PLEKHM3: variants seen among roughly 807,000 people sequenced by gnomAD.
PLEKHM3 encodes pleckstrin homology domain containing M3, also known as pleckstrin homology domain-containing family M member 3.
Under a neutral mutation model 81.8 loss-of-function variants are expected in PLEKHM3, and 45 were observed. The ratio of observed to expected loss-of-function variants is 0.55; its 90% CI spans 0.43 to 0.71. The LOEUF (loss-of-function observed/expected upper bound fraction) is 0.71. Ranked by LOEUF, PLEKHM3 falls within the 30% of genes least tolerant of loss-of-function variation. The probability of loss-of-function intolerance (pLI) is 0.00; values close to 1 mark genes in which losing one functional copy is unlikely to be tolerated. For synonymous variants in PLEKHM3, 352 were observed against 356.4 expected, an observed-to-expected ratio of 0.99 and a Z score of 0.14; for missense variants, 788 against 924.3, an observed-to-expected ratio of 0.85 and a Z score of 1.91.
chr2:207,861,202 C>T lies in PLEKHM3; in HGVS notation c.2011G>A (p.Val671Met), dbSNP rs768607642. 27 of 1,614,012 alleles carry T rather than the reference C, an allele frequency of 1.7e-5. No individual in the cohort carries two copies. The highest frequency in any genetic ancestry group is 5.3e-5 in the African/African-American group (4 of 74,920). The change falls in exon 7 of 8, where the codon GTG becomes ATG. Residue 671 changes from valine to methionine, a missense_variant. Coordinates refer to ENST00000427836, the MANE Select transcript of PLEKHM3 (RefSeq NM_001080475.3). Reference sequence around the variant, plus strand: ...TGGCTACAAAGACTGCAGCTGTACACGTGTGAGGTGGCAAATTTAATGACC... The same window carrying T: ...TGGCTACAAAGACTGCAGCTGTACATGTGTGAGGTGGCAAATTTAATGACC... ...GKVIKFATSH[V>M]YSCSLCSQKG...
chr2:207,924,622 T>G (rs1204498547), intron 5 of PLEKHM3, among the ~76,000 whole-genome samples: 1 of 151,784 alleles, frequency 6.6e-6, no homozygotes, highest in East Asian at 1.9e-4. Context: ...GAGGTGGAGG[T>G]TGCAGTGAGC....
chr2:207,873,932 A>T lies in PLEKHM3; in HGVS notation c.1951-12670T>A, dbSNP rs991560318. 8.5e-5 allele frequency among the ~76,000 whole-genome samples: 13 copies of T among 152,320 alleles called. No homozygotes were observed. In the East Asian group the frequency reaches 2.5e-3, roughly 29 times the overall value. On this transcript the variant is annotated intron_variant, in intron 6 of 7. Transcript: ENST00000427836. The stretch of plus-strand genomic sequence containing the variant: ...ATTGCTGGCTCACTGATGAGGAAAA[A>T]CAAGCCCTGCATGTACATTGAAATA...
chr2:207,909,580 C>T (rs1322766622), intron 5 of PLEKHM3, among the ~76,000 whole-genome samples: 1 of 152,156 alleles, frequency 6.6e-6, no homozygotes, highest in Non-Finnish European at 1.5e-5. Flanking sequence ...AAATACAATA[C>T]AATGTGGTAA....
rs774113611 is a variant in PLEKHM3, at chr2:208,001,470, T to C, written c.170A>G (p.Asn57Ser). The change falls in exon 2 of 8, where the codon AAT becomes AGT. Residue 57 changes from asparagine to serine, a missense_variant. Transcript: ENST00000427836. ...GHEVLSNITD[N>S]GAMRNVTSLG... ...GGAGGTGACATTTCTCATAGCACCA[T>C]TGTCTGTTATGTTACTGAGTACCTC... 22 of 1,614,060 alleles carry C rather than the reference T, an allele frequency of 1.4e-5. No individual in the cohort carries two copies. The highest frequency in any genetic ancestry group is 5.3e-5 in the African/African-American group (4 of 74,904).
chr2:207,955,840 C>T (rs1690488300), intron 3 of PLEKHM3, among the ~76,000 whole-genome samples: 1 of 152,166 alleles, frequency 6.6e-6, no homozygotes, highest in Non-Finnish European at 1.5e-5. Flanking sequence ...TAGCCTGGGA[C>T]ATCACAGGCA....
intron 6 of PLEKHM3, among the ~76,000 whole-genome samples, chr2:207,881,774 C>T (rs932608637): frequency 2.8e-4 from 43 of 152,142 alleles, no homozygotes; most frequent in African/African-American, 1.0e-3. Flanking sequence ...TTCAATTTCC[C>T]TTCCCTTTCT....
rs2092216922 is a variant in PLEKHM3, at chr2:207,821,517, T to C, written c.*6802A>G. On this transcript the variant is annotated 3_prime_UTR_variant, in exon 8 of 8. Coordinates refer to ENST00000427836, the MANE Select transcript of PLEKHM3 (RefSeq NM_001080475.3). ...ATCCAAAAAACAGAAAGAACACATA[T>C]ATAAGTTAGCACATTAGCTACTACA... 1 of 152,268 alleles carries C rather than the reference T, an allele frequency of 6.6e-6. No individual in the cohort carries two copies. The highest frequency in any genetic ancestry group is 1.9e-4 in the East Asian group (1 of 5,182). The allele number at this position is 152,268 out of a possible 1,614,324, so 9.4% of individuals were successfully genotyped here.
At chr2:208,021,927 T>C (rs1011047512) in intron 1 of PLEKHM3, among the ~76,000 whole-genome samples, 2 of 152,242 alleles carry the variant, frequency 1.3e-5, no homozygotes, top group Non-Finnish European at 2.9e-5. Flanking sequence ...GATGACACCA[T>C]AATTTGTTCC....
chr2:208,004,260 C>G lies in PLEKHM3; in HGVS notation c.-318-2303G>C, dbSNP rs1021917697. Among the ~76,000 whole-genome samples, 19 of 151,914 alleles carry G rather than the reference C, an allele frequency of 1.3e-4. 1 individual carries two copies. The highest frequency in any genetic ancestry group is 2.4e-4 in the Non-Finnish European group (16 of 67,940). On this transcript the variant is annotated intron_variant, in intron 1 of 7. Coordinates refer to ENST00000427836, the MANE Select transcript of PLEKHM3 (RefSeq NM_001080475.3). ...TGAAACCTCATCTCTGCTAAAAATACAAAAATGAGCCAGTCATGATGGTGT... is the reference window on the plus strand; with the variant it reads ...TGAAACCTCATCTCTGCTAAAAATAGAAAAATGAGCCAGTCATGATGGTGT...
chr2:207,898,256 G>A (rs912197575), intron 6 of PLEKHM3, among the ~76,000 whole-genome samples: 7 of 152,084 alleles, frequency 4.6e-5, no homozygotes, highest in East Asian at 3.9e-4. Context: ...ACAGATTTCC[G>A]GCTTCTCTTG....
At chr2:207,861,335 G>T (rs1247145990) in intron 6 of PLEKHM3, 73 bp from the exon 7 acceptor site, 1 of 1,444,126 alleles carries the variant, frequency 6.9e-7, no homozygotes, top group Non-Finnish European at 9.3e-7. Context: ...GGAAAGGAAA[G>T]GAATTCCTTT....
intron 1 of PLEKHM3, among the ~76,000 whole-genome samples, chr2:208,017,247 G>A (rs2106124325): frequency 6.6e-6 from 1 of 152,244 alleles, no homozygotes; most frequent in East Asian, 1.9e-4. Flanking sequence ...TTTTTGGAGT[G>A]CAAATCAAAT....
chr2:207,974,138 T>C (rs1450084215), intron 3 of PLEKHM3, among the ~76,000 whole-genome samples: 2 of 152,200 alleles, frequency 1.3e-5, no homozygotes, highest in Non-Finnish European at 2.9e-5. Flanking sequence ...AAGCATCCTA[T>C]CATATGGAAC....
At chr2:207,850,430 C>T (rs1559206656) in intron 7 of PLEKHM3, among the ~76,000 whole-genome samples, 1 of 152,178 alleles carries the variant, frequency 6.6e-6, no homozygotes, top group Non-Finnish European at 1.5e-5. Context: ...GGATGACTTA[C>T]ATGTCACATG....
intron 7 of PLEKHM3, among the ~76,000 whole-genome samples, chr2:207,848,269 C>CATGAA (rs373812186): frequency 4.6e-5 from 7 of 152,328 alleles, no homozygotes; most frequent in African/African-American, 1.7e-4. Flanking sequence ...AAACACTTAA[C>CATGAA]ATGAAAGTCT....
At chr2:208,016,666 A>ATACACACAC (rs1468410522) in intron 1 of PLEKHM3, among the ~76,000 whole-genome samples, 21 of 34,090 alleles carry the variant, frequency 6.2e-4, no homozygotes, top group African/African-American at 1.0e-3. Context: ...AAAAAAAAAA[A>ATACACACAC]AAATACACAC....
At chr2:207,831,309 A>T in intron 7 of PLEKHM3, among the ~76,000 whole-genome samples, 1 of 152,154 alleles carries the variant, frequency 6.6e-6, no homozygotes, top group Non-Finnish European at 1.5e-5. Context: ...TGAGTTGGAG[A>T]CAGAGTTGTG....
chr2:207,826,105 A>C lies in PLEKHM3; in HGVS notation c.*2214T>G, dbSNP rs774839098. On this transcript the variant is annotated 3_prime_UTR_variant, in exon 8 of 8. Transcript: ENST00000427836. Reference sequence around the variant, plus strand: ...GTGTGCTAGGAATGGCCTCGCTGACAGTTGGAATCACGGATACATTAATTA... The same window carrying C: ...GTGTGCTAGGAATGGCCTCGCTGACCGTTGGAATCACGGATACATTAATTA... 5.9e-5 allele frequency: 9 copies of C among 152,222 alleles called. No individual in the cohort carries two copies. The highest frequency in any genetic ancestry group is 1.3e-4 in the Non-Finnish European group (9 of 68,038). 9.4% of individuals were successfully genotyped at this position (152,222 alleles called of 1,614,324 possible).
intron 3 of PLEKHM3, among the ~76,000 whole-genome samples, chr2:207,953,121 C>T (rs930895660): frequency 2.6e-5 from 4 of 151,642 alleles, no homozygotes; most frequent in East Asian, 1.9e-4. Flanking sequence ...AGGGGAAATC[C>T]GGAAAAAATC....
Sources: allele counts gnomAD v4.1 joint callset (sites outside exome capture counted in the v4.1 genomes callset), GRCh38; gene constraint gnomAD v4.1.1; transcripts MANE v1.5; gene names NCBI Gene and HGNC (gene_info 2026-07-23, HGNC 2026-07-21).